Variants in HSP90AA1 observed in about 807,000 individuals in gnomAD.
The protein encoded by HSP90AA1 is heat shock protein 90 alpha family class A member 1.
HSP90AA1 carries 18 observed loss-of-function variants against 73.3 expected under a neutral mutation model. That is an observed-to-expected ratio of 0.25 (90% confidence interval 0.17 to 0.36). The LOEUF (loss-of-function observed/expected upper bound fraction) is 0.36, where lower values mean the gene tolerates loss of function less well. Among genes scored for constraint, HSP90AA1 ranks in the 10% least tolerant of loss-of-function variants. The probability of loss-of-function intolerance (pLI) is 1.00; values close to 1 mark genes in which losing one functional copy is unlikely to be tolerated. For missense variants in HSP90AA1, 704 were observed against 874.2 expected, an observed-to-expected ratio of 0.81 and a Z score of 2.45; for synonymous variants, 477 against 296.9, an observed-to-expected ratio of 1.61 and a Z score of -6.24.
intron 1 of HSP90AA1, among the ~76,000 whole-genome samples, chr14:102,110,586 AT>A (rs1220233995): frequency 2.8e-4 from 40 of 140,824 alleles, no homozygotes; most frequent in African/African-American, 8.6e-4. Context: ...TGCCCGGATA[AT>A]TTTTTTTTTT....
chr14:102,085,517 A>G (rs141042198), intron 3 of HSP90AA1, 86 bp from the exon 4 acceptor site: 1 of 1,396,994 alleles, frequency 7.2e-7, no homozygotes, highest in African/African-American at 1.4e-5. Context: ...GTGTCTATAA[A>G]GCAAGGTTTG....
intron 1 of HSP90AA1, among the ~76,000 whole-genome samples, chr14:102,137,181 C>A (rs903200451): frequency 6.6e-6 from 1 of 150,844 alleles, no homozygotes; most frequent in Non-Finnish European, 1.5e-5. Flanking sequence ...CTCCAGCCTG[C>A]GGAGAGCTGA....
upstream of HSP90AA1, among the ~76,000 whole-genome samples, chr14:102,088,270 C>G (rs752966830): frequency 6.6e-6 from 1 of 152,218 alleles, no homozygotes; most frequent in Admixed American, 6.5e-5. Flanking sequence ...TTCGACCTGG[C>G]TTCCCTGCCT....
At chr14:102,137,063 A>G (rs1191390139) in intron 1 of HSP90AA1, among the ~76,000 whole-genome samples, 8 of 151,734 alleles carry the variant, frequency 5.3e-5, no homozygotes, top group Non-Finnish European at 1.2e-4. Flanking sequence ...AAAATACAAA[A>G]ATTAGCTGGG....
chr14:102,125,215 A>C (rs2049825907), intron 1 of HSP90AA1, among the ~76,000 whole-genome samples: 1 of 152,122 alleles, frequency 6.6e-6, no homozygotes, highest in Non-Finnish European at 1.5e-5. Context: ...GCTGGTCTCC[A>C]ACTCCTGGGC....
In HSP90AA1 at chr14:102,083,229, A is replaced by G; in HGVS notation, c.1560T>C (p.Tyr520=). The change falls in exon 9 of 11, where the codon TAT becomes TAC. Residue 520 remains tyrosine (Y), a synonymous_variant. Transcript: ENST00000216281. ...RLRKHGLEVI[Y]MIEPIDEYCV... is the part of the protein sequence containing the mutation. The stretch of plus-strand genomic sequence containing the variant: ...AGTACTCATCAATGGGCTCAATCAT[A>G]TAGATCACTTCTAAGCCATGTTTCC... The G allele has an allele frequency of 6.2e-7, 1 of 1,614,148 alleles. No homozygotes were observed. Among genetic ancestry groups the G allele is most frequent in the South Asian group, 1.1e-5 (1 of 91,088 alleles).
chr14:102,110,229 G>A (rs111998282), intron 1 of HSP90AA1, among the ~76,000 whole-genome samples: 133 of 152,090 alleles, frequency 8.7e-4, no homozygotes, highest in Admixed American at 3.8e-3. Flanking sequence ...CACCGCACCC[G>A]GCTGACTCAT....
At position 102,082,292 on chromosome 14, in the gene HSP90AA1, T is replaced by C. The variant is rs2049117537; in HGVS notation, c.1908A>G (p.Ile636Met). Residue 636 changes from isoleucine (I) to methionine (M), a missense_variant, in exon 10 of 11, where the codon ATA (isoleucine) becomes ATG (methionine). By Grantham distance (10) the Ile-to-Met change is conservative. Coordinates refer to ENST00000216281, the MANE Select transcript of HSP90AA1 (RefSeq NM_005348.4). ...GYMAAKKHLEINPDHSIIETL... is the reference protein window; with the variant it reads ...GYMAAKKHLEMNPDHSIIETL... The stretch of plus-strand genomic sequence containing the variant: ...TCTCAATAATGGAATGGTCAGGGTT[T>C]ATCTCCAGGTGTTTCTTTGCTGCCA... 2 of 1,614,004 alleles carry C rather than the reference T, an allele frequency of 1.2e-6. No homozygotes were observed. The highest frequency in any genetic ancestry group is 1.7e-6 in the Non-Finnish European group (2 of 1,179,868).
At position 102,082,269 on chromosome 14, in the gene HSP90AA1, T is replaced by G. The variant is rs745565987; in HGVS notation, c.1931A>C (p.Glu644Ala). The G allele has an allele frequency of 6.2e-7, 1 of 1,613,964 alleles. No homozygotes were observed. Among genetic ancestry groups the G allele is most frequent in the South Asian group, 1.1e-5 (1 of 91,072 alleles). Residue 644 changes from glutamate (E) to alanine (A), a missense_variant, in exon 10 of 11, where the codon GAG becomes GCG. Transcript: ENST00000216281. ...LEINPDHSIIETLRQKAEADK... is the reference protein window; with the variant it reads ...LEINPDHSIIATLRQKAEADK... ...AGCCTCTGCCTTTTGCCTTAAGGTC[T>G]CAATAATGGAATGGTCAGGGTTTAT...
upstream of HSP90AA1, among the ~76,000 whole-genome samples, chr14:102,090,785 G>A (rs1290333056): frequency 6.6e-6 from 1 of 152,182 alleles, no homozygotes; most frequent in Non-Finnish European, 1.5e-5. Flanking sequence ...ACCAAGCCTT[G>A]CAGATTTAGC....
At chr14:102,130,351 G>A (rs1273947058) in intron 1 of HSP90AA1, among the ~76,000 whole-genome samples, 1 of 152,056 alleles carries the variant, frequency 6.6e-6, no homozygotes, top group African/African-American at 2.4e-5. Flanking sequence ...AAACTTTTAC[G>A]GAACTGCCAG....
chr14:102,084,918 T>C lies in HSP90AA1; in HGVS notation c.744A>G (p.Glu248=). The change falls in exon 5 of 11, where the codon GAA becomes GAG. Residue 248 remains glutamate (E), a synonymous_variant. Coordinates refer to ENST00000216281, the MANE Select transcript of HSP90AA1 (RefSeq NM_005348.4). ...KEDKEEEKEK[E]EKESEDKPEI... Reference sequence around the variant, plus strand: ...CAGGTTTGTCTTCCGACTCTTTCTCTTCTTTTTCTTTTTCTTCTTCTTTGT... The same window carrying C: ...CAGGTTTGTCTTCCGACTCTTTCTCCTCTTTTTCTTTTTCTTCTTCTTTGT... The C allele has an allele frequency of 3.8e-6, 6 of 1,575,858 alleles. No individual in the cohort carries two copies. The highest frequency in any genetic ancestry group is 1.3e-5 in the African/African-American group (1 of 74,204).
intron 1 of HSP90AA1, among the ~76,000 whole-genome samples, chr14:102,120,294 G>A (rs150563410): frequency 6.6e-6 from 1 of 152,190 alleles, no homozygotes; most frequent in East Asian, 1.9e-4. Flanking sequence ...GGGAGGATGA[G>A]GGTACAGTGA....
intron 1 of HSP90AA1, among the ~76,000 whole-genome samples, chr14:102,109,256 G>T (rs1036173612): frequency 6.6e-6 from 1 of 152,176 alleles, no homozygotes; most frequent in Non-Finnish European, 1.5e-5. Context: ...CATTAGGTCT[G>T]TGGGATTCAT....
At chr14:102,104,538 T>C (rs574482222) in intron 1 of HSP90AA1, among the ~76,000 whole-genome samples, 2 of 152,218 alleles carry the variant, frequency 1.3e-5, no homozygotes, top group Admixed American at 6.5e-5. Flanking sequence ...GATGCATGTA[T>C]GTAATGTGCA....
chr14:102,082,914 C>G (rs1202277472), intron 9 of HSP90AA1, 120 bp downstream of exon 9: 7 of 1,077,100 alleles, frequency 6.5e-6, no homozygotes, highest in Non-Finnish European at 1.0e-5. Context: ...CCACCGCGCC[C>G]AGCCACACAC....
At chr14:102,096,680 T>TGCTGAATGGATA (rs2049429401) in intron 2 of HSP90AA1, among the ~76,000 whole-genome samples, 1 of 152,206 alleles carries the variant, frequency 6.6e-6, no homozygotes, top group Admixed American at 6.5e-5. Flanking sequence ...CATCTATGTG[T>TGCTGAATGGATA]GCTGAATGGA....
intron 7 of HSP90AA1, 30 bp from the exon 8 acceptor site, chr14:102,083,723 T>A: frequency 6.3e-7 from 1 of 1,585,556 alleles, no homozygotes; most frequent in East Asian, 2.2e-5. Context: ...TTACAAAGAC[T>A]TTCTGAATTA....
At chr14:102,122,157 A>G (rs531095963) in intron 1 of HSP90AA1, among the ~76,000 whole-genome samples, 1 of 152,236 alleles carries the variant, frequency 6.6e-6, no homozygotes, top group South Asian at 2.1e-4. Flanking sequence ...TAAAATTATA[A>G]ATGGTTAGTT....
Sources: allele counts gnomAD v4.1 joint callset (sites outside exome capture counted in the v4.1 genomes callset), GRCh38; gene constraint gnomAD v4.1.1; transcripts MANE v1.5; gene names NCBI Gene and HGNC (gene_info 2026-07-23, HGNC 2026-07-21).